Variants in FHIT observed in about 807,000 individuals in gnomAD.
FHIT encodes the protein fragile histidine triad diadenosine triphosphatase, also known as bis(5'-adenosyl)-triphosphatase.
A neutral mutation model predicts 17.9 loss-of-function variants in FHIT; 19 were observed. The observed-to-expected ratio is 1.06, with a 90% CI of 0.74 to 1.56. The LOEUF is 1.56. Among genes scored for constraint, FHIT ranks in the 40% most tolerant of loss-of-function variants. The probability of loss-of-function intolerance (pLI) is 0.00; values close to 1 mark genes in which losing one functional copy is unlikely to be tolerated. For synonymous variants in FHIT, 81 were observed against 69.7 expected, an observed-to-expected ratio of 1.16 and a Z score of -0.81; for missense variants, 248 against 189.2, an observed-to-expected ratio of 1.31 and a Z score of -1.82.
intron 5 of FHIT, among the ~76,000 whole-genome samples, chr3:60,120,557 G>A (rs889795908): frequency 3.9e-5 from 6 of 152,194 alleles, no homozygotes; most frequent in South Asian, 2.1e-4. Flanking sequence ...CGACAGCAGC[G>A]AGGACTGGAG....
intron 4 of FHIT, among the ~76,000 whole-genome samples, chr3:60,578,202 G>A (rs1483645915): frequency 1.3e-5 from 2 of 152,060 alleles, no homozygotes; most frequent in Non-Finnish European, 2.9e-5. Flanking sequence ...ACTTTGGGAG[G>A]CCGAGGTGGG....
chr3:60,819,926 C>T (rs1273130565), intron 4 of FHIT, among the ~76,000 whole-genome samples: 1 of 152,152 alleles, frequency 6.6e-6, no homozygotes, highest in Non-Finnish European at 1.5e-5. Context: ...CTTAAATAGT[C>T]TACAGTCCTT....
chr3:60,263,860 C>T (rs1434419470), intron 5 of FHIT, among the ~76,000 whole-genome samples: 2 of 150,566 alleles, frequency 1.3e-5, no homozygotes, highest in Non-Finnish European at 3.0e-5. Context: ...TGCAATCTAG[C>T]TTATCACATT....
chr3:60,532,754 G>A (rs948056846), intron 5 of FHIT, among the ~76,000 whole-genome samples: 16 of 152,278 alleles, frequency 1.1e-4, no homozygotes, highest in Middle Eastern at 3.4e-3. Flanking sequence ...TGAAGCAAAC[G>A]ATCCTGCTTC....
intron 7 of FHIT, among the ~76,000 whole-genome samples, chr3:59,995,955 G>A (rs560381884): frequency 6.6e-6 from 1 of 152,176 alleles, no homozygotes; most frequent in South Asian, 2.1e-4. Context: ...ACACAGGGGT[G>A]AGGCCAAAAC....
At chr3:59,795,219 C>T (rs144484634) in intron 8 of FHIT, among the ~76,000 whole-genome samples, 4,155 of 152,054 alleles carry the variant, frequency 0.027, 185 homozygotes, top group African/African-American at 0.092. Flanking sequence ...AACCCCGTCT[C>T]TATTAAAAAT....
intron 3 of FHIT, among the ~76,000 whole-genome samples, chr3:60,894,117 T>C (rs1233951023): frequency 6.6e-6 from 1 of 152,132 alleles, no homozygotes; most frequent in Non-Finnish European, 1.5e-5. Flanking sequence ...GGGATGGGGG[T>C]TGCTTTTGTT....
At chr3:60,797,740 T>A (rs939473365) in intron 4 of FHIT, among the ~76,000 whole-genome samples, 6 of 150,792 alleles carry the variant, frequency 4.0e-5, no homozygotes, top group Non-Finnish European at 7.4e-5. Context: ...TAGAAATTGT[T>A]TTATTTTTAT....
chr3:59,913,662 C>T (rs1704992429), intron 8 of FHIT, among the ~76,000 whole-genome samples: 1 of 151,992 alleles, frequency 6.6e-6, no homozygotes, highest in Non-Finnish European at 1.5e-5. Context: ...TATTATTTTT[C>T]ATTAGTGCTC....
At chr3:60,966,163 T>G (rs1380448364) in intron 3 of FHIT, among the ~76,000 whole-genome samples, 1 of 152,218 alleles carries the variant, frequency 6.6e-6, no homozygotes, top group East Asian at 1.9e-4. Context: ...CCAGCCTCAC[T>G]GCCACCTTGT....
At chr3:61,010,211 A>C (rs1213502500) in intron 3 of FHIT, among the ~76,000 whole-genome samples, 1 of 152,198 alleles carries the variant, frequency 6.6e-6, no homozygotes, top group Non-Finnish European at 1.5e-5. Flanking sequence ...AAAAAAAAAA[A>C]AAGTAAATGG....
intron 4 of FHIT, among the ~76,000 whole-genome samples, chr3:60,716,147 G>C (rs545701884): frequency 6.6e-6 from 1 of 152,190 alleles, no homozygotes; most frequent in South Asian, 2.1e-4. Flanking sequence ...GGGAGGCTGA[G>C]GCAGGAGAAT....
At chr3:60,673,967 G>C (rs1178392976) in intron 4 of FHIT, among the ~76,000 whole-genome samples, 3 of 151,944 alleles carry the variant, frequency 2.0e-5, no homozygotes, top group Non-Finnish European at 4.4e-5. Flanking sequence ...GGGAAAATTT[G>C]TTCATTTTTT....
Position 60,014,120 on chromosome 3 carries a change from G to C in FHIT, c.136C>G (p.Arg46Gly), listed in dbSNP as rs376796193. 6 of 1,614,056 alleles carry C rather than the reference G, an allele frequency of 3.7e-6. No individual in the cohort carries two copies. The highest frequency in any genetic ancestry group is 1.7e-4 in the Middle Eastern group (1 of 6,060). Residue 46 changes from arginine to glycine, a missense_variant, in exon 6 of 10, where the codon CGC (arginine) becomes GGC (glycine). Transcript: ENST00000492590. Reference protein sequence around the residue: ...VLVCPLRPVERFHDLRPDEVA... With the variant: ...VLVCPLRPVEGFHDLRPDEVA... ...TCATCAGGACGCAGGTCATGGAAGC[G>C]CTCCACTGGCCGCAGCGGGCACACA... is the stretch of plus-strand genomic sequence containing the variant.
At position 60,443,998 on chromosome 3, in the gene FHIT, A is replaced by G. The variant is rs150180080; in HGVS notation, c.103+92862T>C. Among the ~76,000 whole-genome samples the G allele has an allele frequency of 5.3e-3, 811 of 152,322 alleles. 9 individuals carry two copies. The highest frequency in any genetic ancestry group is 0.019 in the African/African-American group (781 of 41,576). ...AATGAACTCAAACAAATTTACAAGA[A>G]AAAAACAAAGAATCCCATCAAAAAC... is the stretch of plus-strand genomic sequence containing the variant. On this transcript the variant is annotated intron_variant, in intron 5 of 9. Transcript: ENST00000492590.
chr3:61,228,383 C>A (rs1010420232), intron 1 of FHIT, among the ~76,000 whole-genome samples: 15 of 152,184 alleles, frequency 9.9e-5, no homozygotes, highest in Non-Finnish European at 2.9e-5. Context: ...TTCCTCGTCA[C>A]CTCTCCACCC....
chr3:60,461,953 G>A (rs1006100727), intron 5 of FHIT, among the ~76,000 whole-genome samples: 5 of 152,152 alleles, frequency 3.3e-5, no homozygotes, highest in East Asian at 1.9e-4. Flanking sequence ...TGTCAAGAGC[G>A]TTACATGAAT....
At chr3:59,792,668 G>A (rs937555579) in intron 8 of FHIT, among the ~76,000 whole-genome samples, 1 of 152,120 alleles carries the variant, frequency 6.6e-6, no homozygotes, top group Non-Finnish European at 1.5e-5. Context: ...TACATAGTAA[G>A]AGCTCAATGT....
intron 4 of FHIT, among the ~76,000 whole-genome samples, chr3:60,702,867 T>C (rs1399452890): frequency 1.3e-5 from 2 of 152,188 alleles, no homozygotes; most frequent in Non-Finnish European, 2.9e-5. Context: ...ATATTCCTTA[T>C]TGTGTTTAAC....
Sources: gnomAD v4.1 joint callset for allele counts (sites outside exome capture counted in the v4.1 genomes callset) on GRCh38, gnomAD v4.1.1 for gene constraint, MANE v1.5 for transcripts, NCBI Gene and HGNC (gene_info 2026-07-23, HGNC 2026-07-21) for gene names.